The following FSIP1 variants were observed in gnomAD, a reference collection of about 807,000 sequenced individuals.
The protein encoded by FSIP1 is fibrous sheath interacting protein 1.
Under a neutral mutation model 60.9 loss-of-function variants are expected in FSIP1, and 65 were observed. The observed-to-expected ratio is 1.07, with a 90% CI of 0.87 to 1.31. The LOEUF (loss-of-function observed/expected upper bound fraction) is 1.31, where lower values mean the gene tolerates loss of function less well. Ranked by LOEUF, FSIP1 falls within the 40% of genes most tolerant of loss-of-function variation. FSIP1 has a pLI of 0.00. For synonymous variants in FSIP1, 209 were observed against 221.2 expected (o/e 0.94, Z 0.49); for missense variants, 675 against 665.5 (o/e 1.01, Z -0.16).
intron 3 of FSIP1, 62 bp from the exon 4 acceptor site, chr15:39,765,808 G>T: frequency 5.4e-6 from 5 of 923,136 alleles, no homozygotes; most frequent in Non-Finnish European, 6.4e-6. Context: ...GTTTTGTTTT[G>T]TTCTTACAAT....
At chr15:39,606,908 G>C (rs1488288835) in intron 11 of FSIP1, among the ~76,000 whole-genome samples, 1 of 152,176 alleles carries the variant, frequency 6.6e-6, no homozygotes, top group Non-Finnish European at 1.5e-5. Context: ...CTCAGTATTA[G>C]ATAATTTGAT....
intron 11 of FSIP1, among the ~76,000 whole-genome samples, chr15:39,605,187 T>G (rs1212102495): frequency 6.6e-6 from 1 of 152,214 alleles, no homozygotes; most frequent in East Asian, 1.9e-4. Flanking sequence ...ATACTTAGCT[T>G]TCTTTCATCT....
chr15:39,649,108 A>C (rs1349909837), intron 10 of FSIP1, among the ~76,000 whole-genome samples: 1 of 152,198 alleles, frequency 6.6e-6, no homozygotes, highest in Non-Finnish European at 1.5e-5. Flanking sequence ...ATTTGACTGG[A>C]CACGATTTCA....
Position 39,726,590 on chromosome 15 carries a change from T to A in FSIP1, c.1049A>T (p.Gln350Leu). The change falls in exon 9 of 12, where the codon CAG becomes CTG. Residue 350 changes from glutamine to leucine, a missense_variant and splice_region_variant. Gln to Leu is a moderately radical substitution (Grantham distance 113, BLOSUM62 -2). Transcript: ENST00000350221. ...ACAGTCTATGGGTTCTTCAAATACC[T>A]GATTATTCCGATTTTCAAGTCTTGG... The part of the protein sequence containing the change: ...FSPRLENRNN[Q>L]KPDRDGERNM... The A allele has an allele frequency of 6.2e-7, 1 of 1,614,060 alleles. No homozygotes were observed. Among genetic ancestry groups the A allele is most frequent in the Non-Finnish European group, 8.5e-7 (1 of 1,179,950 alleles).
At chr15:39,723,238 G>GT (rs912056784) in intron 9 of FSIP1, among the ~76,000 whole-genome samples, 8 of 151,866 alleles carry the variant, frequency 5.3e-5, no homozygotes, top group East Asian at 1.9e-4. Flanking sequence ...AAGTGAGACT[G>GT]TTTTTTTTGA....
intron 10 of FSIP1, among the ~76,000 whole-genome samples, chr15:39,708,328 A>C (rs980911795): frequency 2.0e-5 from 3 of 152,152 alleles, no homozygotes; most frequent in Admixed American, 6.5e-5. Flanking sequence ...ACCCCATGAT[A>C]CTTCAACACT....
downstream of FSIP1, chr15:39,600,021 A>G (rs1890582208): frequency 6.6e-6 from 1 of 152,240 alleles, no homozygotes; most frequent in Admixed American, 6.5e-5. Context: ...ATGTGCCAGC[A>G]AAAACAATGT....
At chr15:39,686,375 C>A (rs994637279) in intron 10 of FSIP1, among the ~76,000 whole-genome samples, 1 of 152,220 alleles carries the variant, frequency 6.6e-6, no homozygotes, top group African/African-American at 2.4e-5. Flanking sequence ...CAATTAAAAA[C>A]TTTTCCCATT....
At chr15:39,662,390 T>C (rs1007805194) in intron 10 of FSIP1, among the ~76,000 whole-genome samples, 3 of 151,948 alleles carry the variant, frequency 2.0e-5, no homozygotes, top group Non-Finnish European at 4.4e-5. Flanking sequence ...CCCAGAAGAG[T>C]TCTTTAGAAG....
chr15:39,695,981 A>C (rs923486864), intron 10 of FSIP1, among the ~76,000 whole-genome samples: 1 of 152,348 alleles, frequency 6.6e-6, no homozygotes, highest in Non-Finnish European at 1.5e-5. Context: ...GCAAGAACAT[A>C]ATTAGATGGT....
chr15:39,765,737 T>C lies in FSIP1; in HGVS notation c.320A>G (p.Lys107Arg). 1.3e-6 allele frequency: 2 copies of C among 1,522,244 alleles called. No individual in the cohort carries two copies. The highest frequency in any genetic ancestry group is 1.8e-6 in the Non-Finnish European group (2 of 1,111,042). The allele number at this position is 1,522,244 out of a possible 1,614,324, so 94.3% of individuals were successfully genotyped here. ...QIISECSDEP[K>R]LKELDSQLQD... The stretch of plus-strand genomic sequence containing the variant: ...AAGTTGAGAATCTAATTCTTTTAAT[T>C]TGGGTTCATCTATATTGTGTTGAAA... The change falls in exon 4 of 12, where the codon AAA becomes AGA. Residue 107 changes from lysine (K) to arginine (R), a missense_variant. Physicochemically the swap from Lys to Arg is conservative, Grantham distance 26. Transcript: ENST00000350221.
At chr15:39,667,244 T>C (rs1478036081) in intron 10 of FSIP1, among the ~76,000 whole-genome samples, 1 of 151,878 alleles carries the variant, frequency 6.6e-6, no homozygotes, top group Non-Finnish European at 1.5e-5. Flanking sequence ...AAATCAAAAG[T>C]ACCATGAGTT....
Position 39,660,752 on chromosome 15 carries a change from G to A in FSIP1, c.1189-42507C>T, listed in dbSNP as rs373850533. Among the ~76,000 whole-genome samples the A allele has an allele frequency of 3.3e-5, 5 of 152,224 alleles. 1 individual carries two copies. Among genetic ancestry groups the A allele is most frequent in the Admixed American group, 6.5e-5 (1 of 15,294 alleles). ...TTAGTGAATTTTCTTATGTGAAGTA[G>A]ACACCTTAATCTTAAAGCAATAATT... On this transcript the variant is annotated intron_variant, in intron 10 of 11. Transcript: ENST00000350221.
intron 10 of FSIP1, among the ~76,000 whole-genome samples, chr15:39,698,445 T>A (rs1345211335): frequency 1.3e-5 from 2 of 152,110 alleles, no homozygotes; most frequent in Non-Finnish European, 2.9e-5. Context: ...TCTCTTTAAA[T>A]AATAGGTCTT....
intron 10 of FSIP1, among the ~76,000 whole-genome samples, chr15:39,691,477 C>T (rs1037241203): frequency 1.3e-5 from 2 of 152,226 alleles, no homozygotes; most frequent in Non-Finnish European, 2.9e-5. Flanking sequence ...TTCTTTCCCT[C>T]AGCCAGTCAC....
chr15:39,690,726 C>A (rs8034520), intron 10 of FSIP1, among the ~76,000 whole-genome samples: 13,949 of 152,210 alleles, frequency 0.092, 1,025 homozygotes, highest in Admixed American at 0.24. Context: ...TGTTCCAGAT[C>A]CCTGCAAAGA....
At chr15:39,601,483 T>C (rs570577292) in intron 11 of FSIP1, among the ~76,000 whole-genome samples, 17 of 152,336 alleles carry the variant, frequency 1.1e-4, no homozygotes, top group Middle Eastern at 3.4e-3. Flanking sequence ...AATGGTGCAG[T>C]AGCTTTAGAA....
At position 39,774,608 on chromosome 15, in the gene FSIP1, A is replaced by G. The variant is rs374013541; in HGVS notation, c.126+1791T>C. 8.5e-5 allele frequency among the ~76,000 whole-genome samples: 13 copies of G among 152,262 alleles called. No homozygotes were observed. The East Asian group carries it at 1.2e-3, about 13-fold the overall frequency. On this transcript the variant is annotated intron_variant, in intron 2 of 11. Coordinates refer to ENST00000350221, the MANE Select transcript of FSIP1 (RefSeq NM_152597.5). ...AAAGCTGTAAGAGTTAACACACCAT[A>G]TAGTAATGATGCAGGACTAGATGAA...
intron 8 of FSIP1, among the ~76,000 whole-genome samples, chr15:39,737,811 C>G (rs1896663459): frequency 6.6e-6 from 1 of 151,932 alleles, no homozygotes; most frequent in Non-Finnish European, 1.5e-5. Context: ...TTTCCTGATC[C>G]TCTCCCTCCT....
Sources: gnomAD v4.1 joint callset for allele counts (sites outside exome capture counted in the v4.1 genomes callset) on GRCh38, gnomAD v4.1.1 for gene constraint, MANE v1.5 for transcripts, NCBI Gene and HGNC (gene_info 2026-07-23, HGNC 2026-07-21) for gene names.